Variants in KLF12 observed in about 807,000 individuals in gnomAD.
The protein encoded by KLF12 is KLF transcription factor 12, also known as Krueppel-like factor 12.
In KLF12, 9 loss-of-function variants were observed where a neutral mutation model predicts 37.8. The ratio of observed to expected loss-of-function variants is 0.24; its 90% CI spans 0.14 to 0.42. KLF12 has a LOEUF of 0.42. Among genes scored for constraint, KLF12 ranks in the 10% least tolerant of loss-of-function variants. KLF12 has a pLI of 1.00. For missense variants in KLF12, 411 were observed against 516.0 expected (o/e 0.80, Z 1.97); for synonymous variants, 208 against 202.1 (o/e 1.03, Z -0.25).
intron 3 of KLF12, among the ~76,000 whole-genome samples, chr13:73,852,289 A>G (rs1306179490): frequency 6.6e-6 from 1 of 152,348 alleles, no homozygotes; most frequent in Non-Finnish European, 1.5e-5. Flanking sequence ...AACGTAAAGC[A>G]AAGTATACTA....
At chr13:74,069,236 G>A (rs1414900734) in intron 1 of KLF12, among the ~76,000 whole-genome samples, 1 of 151,940 alleles carries the variant, frequency 6.6e-6, no homozygotes, top group East Asian at 1.9e-4. Context: ...GGGAAGTGAA[G>A]CTCTATATAT....
chr13:74,206,393 C>A, the KLF12 span, among the ~76,000 whole-genome samples: 1 of 152,132 alleles, frequency 6.6e-6, no homozygotes, highest in African/African-American at 2.4e-5. Context: ...TAGTATTCAA[C>A]AACAGACTCA....
the KLF12 span, among the ~76,000 whole-genome samples, chr13:74,282,059 A>T: frequency 6.6e-6 from 1 of 152,086 alleles, no homozygotes; most frequent in African/African-American, 2.4e-5. Context: ...TCAGTCAATT[A>T]CCGGAGGAGT....
At chr13:74,295,025 G>C in the KLF12 span, among the ~76,000 whole-genome samples, 1 of 152,156 alleles carries the variant, frequency 6.6e-6, no homozygotes, top group African/African-American at 2.4e-5. Flanking sequence ...AATTGGGCTG[G>C]AATACAAACT....
intron 3 of KLF12, among the ~76,000 whole-genome samples, chr13:73,897,344 A>G (rs1010917487): frequency 6.6e-6 from 1 of 152,164 alleles, no homozygotes; most frequent in African/African-American, 2.4e-5. Flanking sequence ...CGCAACATGC[A>G]TCTACAGGCC....
rs574489314 is a variant in KLF12, at chr13:74,119,452, G to A, written c.-32+14287C>T. Among the ~76,000 whole-genome samples, 3 of 152,128 alleles carry A rather than the reference G, an allele frequency of 2.0e-5. No individual in the cohort carries two copies. In the South Asian group the frequency reaches 6.2e-4, roughly 32 times the overall value. ...AGATACTGAAACTAACAAATTGAGA[G>A]TTGCAAAATAAATATAAGATGTAAA... On this transcript the variant is annotated intron_variant, in intron 1 of 7. Transcript: ENST00000377669.
the KLF12 span, among the ~76,000 whole-genome samples, chr13:74,283,431 T>C: frequency 2.0e-5 from 3 of 152,196 alleles, no homozygotes; most frequent in Admixed American, 6.5e-5. Context: ...ATAAGTCCAA[T>C]GGAATAACCC....
chr13:74,094,872 T>C (rs1428670697), intron 1 of KLF12, among the ~76,000 whole-genome samples: 3 of 152,092 alleles, frequency 2.0e-5, no homozygotes, highest in Non-Finnish European at 2.9e-5. Context: ...AGTGCTGAGA[T>C]TACAGGCGTG....
chr13:74,262,864 T>C, the KLF12 span, among the ~76,000 whole-genome samples: 6 of 152,186 alleles, frequency 3.9e-5, no homozygotes, highest in African/African-American at 1.2e-4. Flanking sequence ...TATATATATG[T>C]ATATATCTCA....
At chr13:74,134,942 C>T (rs1878487167), upstream of KLF12, among the ~76,000 whole-genome samples, 1 of 151,820 alleles carries the variant, frequency 6.6e-6, no homozygotes, top group Admixed American at 6.6e-5. Context: ...TGGGCGGAGC[C>T]GGCCGGGACT....
At chr13:74,050,908 C>T (rs772903076) in intron 1 of KLF12, among the ~76,000 whole-genome samples, 11 of 152,048 alleles carry the variant, frequency 7.2e-5, no homozygotes, top group South Asian at 2.1e-4. Flanking sequence ...TCTCAAAAGA[C>T]GTAGAAATGG....
upstream of KLF12, among the ~76,000 whole-genome samples, chr13:74,137,253 C>A (rs1056727540): frequency 6.6e-6 from 1 of 152,154 alleles, no homozygotes; most frequent in Non-Finnish European, 1.5e-5. Context: ...TTTATTTCAT[C>A]CTTAATTCAA....
At chr13:73,797,696 G>A (rs1306817157) in intron 5 of KLF12, among the ~76,000 whole-genome samples, 1 of 148,566 alleles carries the variant, frequency 6.7e-6, no homozygotes, top group East Asian at 2.0e-4. Context: ...CTTGAGCCCA[G>A]GAGTTTGAGG....
At chr13:73,992,063 CAA>C (rs1239248862) in intron 2 of KLF12, among the ~76,000 whole-genome samples, 22 of 152,302 alleles carry the variant, frequency 1.4e-4, no homozygotes, top group Admixed American at 1.3e-3. Context: ...AGTCGCAAAG[CAA>C]AGTTTTAATG....
chr13:73,888,326 A>G (rs1887335437), intron 3 of KLF12, among the ~76,000 whole-genome samples: 1 of 152,142 alleles, frequency 6.6e-6, no homozygotes, highest in African/African-American at 2.4e-5. Flanking sequence ...TAATTTCTAA[A>G]CAAAAATACT....
chr13:73,848,571 C>CAT (rs952121775), intron 3 of KLF12, among the ~76,000 whole-genome samples: 14 of 147,640 alleles, frequency 9.5e-5, no homozygotes, highest in Middle Eastern at 3.6e-3. Flanking sequence ...ATATATATAA[C>CAT]ATATATATAG....
chr13:74,052,361 C>T (rs1339669252), intron 1 of KLF12, among the ~76,000 whole-genome samples: 1 of 152,100 alleles, frequency 6.6e-6, no homozygotes, highest in Non-Finnish European at 1.5e-5. Flanking sequence ...TTAGATAATT[C>T]TGAGAATTAC....
At chr13:73,991,655 A>G (rs1891974276) in intron 2 of KLF12, among the ~76,000 whole-genome samples, 1 of 152,232 alleles carries the variant, frequency 6.6e-6, no homozygotes. Context: ...AAACAGACAG[A>G]TAATTGCAGA....
At chr13:74,046,212 C>T (rs1031700766) in intron 1 of KLF12, among the ~76,000 whole-genome samples, 2 of 152,074 alleles carry the variant, frequency 1.3e-5, no homozygotes, top group African/African-American at 2.4e-5. Context: ...AACAAAGATC[C>T]CATACCAACC....
Sources: allele counts gnomAD v4.1 joint callset (sites outside exome capture counted in the v4.1 genomes callset), GRCh38; gene constraint gnomAD v4.1.1; transcripts MANE v1.5; gene names NCBI Gene and HGNC (gene_info 2026-07-23, HGNC 2026-07-21).